Variants in CCSER1 observed in about 807,000 individuals in gnomAD.
The protein encoded by CCSER1 is coiled-coil serine rich protein 1.
In CCSER1, 41 loss-of-function variants were observed where a neutral mutation model predicts 82.0. The observed-to-expected ratio is 0.50, with a 90% CI of 0.39 to 0.65. The LOEUF (loss-of-function observed/expected upper bound fraction) is 0.65, where lower values mean the gene tolerates loss of function less well. Among genes scored for constraint, CCSER1 ranks in the 30% least tolerant of loss-of-function variants. The pLI is 0.00. For synonymous variants in CCSER1, 414 were observed against 383.9 expected, an observed-to-expected ratio of 1.08 and a Z score of -0.92; for missense variants, 1,119 against 1,064.2, an observed-to-expected ratio of 1.05 and a Z score of -0.72.
chr4:90,283,783 T>C (rs1445412278), intron 1 of CCSER1, among the ~76,000 whole-genome samples: 1 of 152,084 alleles, frequency 6.6e-6, no homozygotes, highest in Non-Finnish European at 1.5e-5. Context: ...AGGGCTGCAG[T>C]AAGCATGGAA....
At position 90,912,582 on chromosome 4, in the gene CCSER1, TCTC is replaced by T. The variant is rs534428793; in HGVS notation, c.2095-10780_2095-10778del. On this transcript the variant is annotated intron_variant, in intron 8 of 10. Coordinates refer to ENST00000509176, the MANE Select transcript of CCSER1 (RefSeq NM_001145065.2). ...TGAAAATTCTAAAAATCAGAGCACTTCTCCTCCTCCAAAGGAGTGCAGCCCCTT... is the reference window on the plus strand; with the variant it reads ...TGAAAATTCTAAAAATCAGAGCACTTCTCCTCCAAAGGAGTGCAGCCCCTT... Among the ~76,000 whole-genome samples the T allele has an allele frequency of 1.3e-3, 194 of 152,150 alleles. 3 individuals are homozygous for T. Among genetic ancestry groups the T allele is most frequent in the African/African-American group, 4.6e-3 (189 of 41,486 alleles).
chr4:91,025,173 A>G (rs963559622), intron 9 of CCSER1, among the ~76,000 whole-genome samples: 1 of 152,154 alleles, frequency 6.6e-6, no homozygotes, highest in Non-Finnish European at 1.5e-5. Flanking sequence ...TTTTCAGAAT[A>G]TATTTGTCTC....
intron 5 of CCSER1, among the ~76,000 whole-genome samples, chr4:90,506,002 T>C (rs1770625032): frequency 6.6e-6 from 1 of 152,194 alleles, no homozygotes; most frequent in South Asian, 2.1e-4. Context: ...CACTTACAAC[T>C]TTGTCTTGCG....
At chr4:90,487,499 G>A (rs1236856101) in intron 5 of CCSER1, among the ~76,000 whole-genome samples, 1 of 152,120 alleles carries the variant, frequency 6.6e-6, no homozygotes, top group African/African-American at 2.4e-5. Flanking sequence ...TTATCATATA[G>A]GTTTTCAAAT....
chr4:90,212,626 A>G (rs935979051), intron 1 of CCSER1, among the ~76,000 whole-genome samples: 1 of 152,212 alleles, frequency 6.6e-6, no homozygotes, highest in African/African-American at 2.4e-5. Flanking sequence ...GAACTAGTTT[A>G]TATCTGACGT....
At chr4:90,568,894 A>G (rs1390027305) in intron 5 of CCSER1, among the ~76,000 whole-genome samples, 1 of 151,436 alleles carries the variant, frequency 6.6e-6, no homozygotes, top group East Asian at 1.9e-4. Flanking sequence ...CAGCCTCCAA[A>G]GTAGCTGGGA....
rs118006259 is a variant in CCSER1 at position 90,430,518 on chromosome 4, G to C, written c.1603+30389G>C. Among the ~76,000 whole-genome samples, 354 of 151,896 alleles carry C rather than the reference G, an allele frequency of 2.3e-3. 3 individuals are homozygous for C. Among genetic ancestry groups the C allele is most frequent in the South Asian group, 0.014 (66 of 4,820 alleles). On this transcript the variant is annotated intron_variant, in intron 4 of 10. Coordinates refer to ENST00000509176, the MANE Select transcript of CCSER1 (RefSeq NM_001145065.2). ...TGTAAAATAAAATATATTGCATAGCGAATTCTAATTTTATTGACACTTCTT... is the reference window on the plus strand; with the variant it reads ...TGTAAAATAAAATATATTGCATAGCCAATTCTAATTTTATTGACACTTCTT...
At chr4:91,172,705 A>G (rs565823170) in intron 10 of CCSER1, among the ~76,000 whole-genome samples, 14 of 152,258 alleles carry the variant, frequency 9.2e-5, no homozygotes, top group African/African-American at 3.4e-4. Flanking sequence ...AGGCTACTTT[A>G]TTTTCATCCA....
At chr4:90,369,620 G>A (rs1285224846) in intron 3 of CCSER1, among the ~76,000 whole-genome samples, 1 of 151,928 alleles carries the variant, frequency 6.6e-6, no homozygotes, top group Non-Finnish European at 1.5e-5. Flanking sequence ...GAAATGTGAG[G>A]TGGGTTTATT....
chr4:91,381,275 T>C (rs1162432372), intron 10 of CCSER1, among the ~76,000 whole-genome samples: 1 of 152,166 alleles, frequency 6.6e-6, no homozygotes, highest in Non-Finnish European at 1.5e-5. Context: ...CTGGGTTTCC[T>C]GAATCTGAAT....
At chr4:90,584,020 C>CG (rs1328578282) in intron 5 of CCSER1, among the ~76,000 whole-genome samples, 1 of 151,782 alleles carries the variant, frequency 6.6e-6, no homozygotes, top group Non-Finnish European at 1.5e-5. Context: ...TCAAATGTCA[C>CG]GGTGGTATGC....
intron 1 of CCSER1, among the ~76,000 whole-genome samples, chr4:90,194,222 A>T (rs1321133559): frequency 6.6e-6 from 1 of 152,064 alleles, no homozygotes; most frequent in Non-Finnish European, 1.5e-5. Flanking sequence ...ATTGTGTGCA[A>T]CTTATTTAAC....
rs776370436 is a variant in CCSER1, at chr4:91,601,789, T to C, written c.*2732T>C. On this transcript the variant is annotated 3_prime_UTR_variant, in exon 11 of 11. Coordinates refer to ENST00000509176, the MANE Select transcript of CCSER1 (RefSeq NM_001145065.2). ...ACCCTGTAAAATTTCTGCTGCAAAT[T>C]GTCTCTTCTGAATTTAGAATGTGTT... 4 of 152,086 alleles carry C rather than the reference T, an allele frequency of 2.6e-5. No homozygotes were observed. The highest frequency in any genetic ancestry group is 5.9e-5 in the Non-Finnish European group (4 of 67,968). 9.4% of individuals were successfully genotyped at this position (152,086 alleles called of 1,614,324 possible). A position where few individuals can be genotyped will look rare whatever the true frequency, so the allele number is the denominator to read the frequency against.
At chr4:90,866,671 T>C (rs1197946423) in intron 8 of CCSER1, among the ~76,000 whole-genome samples, 1 of 152,096 alleles carries the variant, frequency 6.6e-6, no homozygotes, top group Non-Finnish European at 1.5e-5. Context: ...AGAGATTACG[T>C]AGAATAAAAA....
chr4:90,260,406 C>T (rs964771217), intron 1 of CCSER1, among the ~76,000 whole-genome samples: 12 of 152,126 alleles, frequency 7.9e-5, no homozygotes, highest in East Asian at 1.9e-4. Flanking sequence ...TTTGGTCCAG[C>T]AGTAATTGTT....
At chr4:91,546,056 C>A (rs1356929117) in intron 10 of CCSER1, among the ~76,000 whole-genome samples, 2 of 151,496 alleles carry the variant, frequency 1.3e-5, no homozygotes, top group Non-Finnish European at 2.9e-5. Flanking sequence ...AATTTTTATT[C>A]TTTTGCCTGC....
chr4:90,764,936 A>G (rs1276401446), intron 7 of CCSER1, among the ~76,000 whole-genome samples: 1 of 152,060 alleles, frequency 6.6e-6, no homozygotes, highest in Non-Finnish European at 1.5e-5. Flanking sequence ...TGAAAAACTA[A>G]TTCAAAATAA....
intron 9 of CCSER1, among the ~76,000 whole-genome samples, chr4:90,933,042 AAGAG>A (rs1194690515): frequency 1.3e-5 from 1 of 79,482 alleles, no homozygotes; most frequent in Non-Finnish European, 2.4e-5. Flanking sequence ...GAAAGAAAGA[AAGAG>A]AAGGAAGGAA....
chr4:91,593,672 C>T (rs1488107702), intron 10 of CCSER1, among the ~76,000 whole-genome samples: 1 of 151,810 alleles, frequency 6.6e-6, no homozygotes, highest in Non-Finnish European at 1.5e-5. Flanking sequence ...GGGAATATAC[C>T]TATGTGTGGA....
Sources: gnomAD v4.1 joint callset for allele counts (sites outside exome capture counted in the v4.1 genomes callset) on GRCh38, gnomAD v4.1.1 for gene constraint, MANE v1.5 for transcripts, NCBI Gene and HGNC (gene_info 2026-07-23, HGNC 2026-07-21) for gene names.